Variants in LSAMP observed in about 807,000 individuals in gnomAD.
LSAMP encodes the protein limbic system-associated membrane protein.
Under a neutral mutation model 38.6 loss-of-function variants are expected in LSAMP, and 7 were observed. That is an observed-to-expected ratio of 0.18 (90% CI 0.10 to 0.34). LSAMP has a LOEUF of 0.34. Among genes scored for constraint, LSAMP ranks in the 10% least tolerant of loss-of-function variants. LSAMP has a pLI of 1.00. For missense variants in LSAMP, 313 were observed against 420.0 expected (o/e 0.75, Z 2.23); for synonymous variants, 154 against 166.8 (o/e 0.92, Z 0.59).
intron 1 of LSAMP, among the ~76,000 whole-genome samples, chr3:116,155,689 C>T (rs150347498): frequency 3.2e-4 from 48 of 151,896 alleles, no homozygotes; most frequent in Non-Finnish European, 5.6e-4. Context: ...CATATATATA[C>T]ATACATATGC....
At chr3:116,279,443 A>C (rs1195983627) in intron 1 of LSAMP, among the ~76,000 whole-genome samples, 1 of 152,216 alleles carries the variant, frequency 6.6e-6, no homozygotes, top group Non-Finnish European at 1.5e-5. Flanking sequence ...CACATCTTCA[A>C]TATAACTCTA....
chr3:116,223,521 C>T (rs941020629), intron 1 of LSAMP, among the ~76,000 whole-genome samples: 1 of 152,086 alleles, frequency 6.6e-6, no homozygotes, highest in East Asian at 1.9e-4. Flanking sequence ...AAGAAAACTA[C>T]TGAAAATATT....
chr3:115,942,018 TTA>T (rs1189877255), intron 3 of LSAMP, among the ~76,000 whole-genome samples: 1 of 152,126 alleles, frequency 6.6e-6, no homozygotes, highest in Non-Finnish European at 1.5e-5. Flanking sequence ...TTATTTTGTT[TTA>T]ATTATATTTT....
At chr3:116,173,363 C>T (rs1201243658) in intron 1 of LSAMP, among the ~76,000 whole-genome samples, 2 of 152,024 alleles carry the variant, frequency 1.3e-5, no homozygotes, top group Non-Finnish European at 2.9e-5. Flanking sequence ...AGACCATGGC[C>T]TTTTCAGTTT....
At chr3:116,223,222 T>C (rs1338916824) in intron 1 of LSAMP, among the ~76,000 whole-genome samples, 1 of 152,214 alleles carries the variant, frequency 6.6e-6, no homozygotes, top group African/African-American at 2.4e-5. Flanking sequence ...GGTAACAGTA[T>C]ATGACACTTT....
At chr3:116,191,831 A>G (rs2107582095) in intron 1 of LSAMP, among the ~76,000 whole-genome samples, 1 of 152,216 alleles carries the variant, frequency 6.6e-6, no homozygotes, top group East Asian at 1.9e-4. Flanking sequence ...AAATGTTAAA[A>G]ATGTACAAAT....
intron 6 of LSAMP, among the ~76,000 whole-genome samples, chr3:115,817,934 C>T (rs1464162201): frequency 2.0e-5 from 3 of 152,050 alleles, no homozygotes; most frequent in Admixed American, 6.5e-5. Context: ...TTTCATAATA[C>T]GAGCTTTGAC....
At chr3:116,153,167 C>CT (rs563935282) in intron 1 of LSAMP, among the ~76,000 whole-genome samples, 1 of 152,078 alleles carries the variant, frequency 6.6e-6, no homozygotes, top group Non-Finnish European at 1.5e-5. Flanking sequence ...CTTAGAAACA[C>CT]TATGTGTGCC....
At chr3:116,032,102 A>G (rs1052052967) in intron 2 of LSAMP, among the ~76,000 whole-genome samples, 7 of 152,238 alleles carry the variant, frequency 4.6e-5, no homozygotes, top group Non-Finnish European at 8.8e-5. Flanking sequence ...TGAATTGATG[A>G]ATATGAGTTA....
chr3:116,208,165 T>G (rs1365691273), intron 1 of LSAMP, among the ~76,000 whole-genome samples: 27 of 150,630 alleles, frequency 1.8e-4, no homozygotes, highest in African/African-American at 6.2e-4. Context: ...CTTCCATCAC[T>G]GATACCCTTT....
chr3:116,134,202 C>A (rs573766529), intron 1 of LSAMP, among the ~76,000 whole-genome samples: 2 of 152,248 alleles, frequency 1.3e-5, no homozygotes, highest in South Asian at 4.1e-4. Context: ...TTTAAAAATT[C>A]TCTTTGTGAA....
chr3:115,946,890 A>C (rs77142231), intron 3 of LSAMP, among the ~76,000 whole-genome samples: 1 of 152,136 alleles, frequency 6.6e-6, no homozygotes, highest in East Asian at 1.9e-4. Context: ...AAATATCAGC[A>C]TGTCAAACAT....
intron 3 of LSAMP, among the ~76,000 whole-genome samples, chr3:115,988,165 T>C (rs575359559): frequency 6.6e-6 from 1 of 152,274 alleles, no homozygotes; most frequent in Non-Finnish European, 1.5e-5. Flanking sequence ...ACTTCTTTAT[T>C]TCTTAATGTT....
chr3:116,275,767 C>A (rs1307799914), intron 1 of LSAMP, among the ~76,000 whole-genome samples: 2 of 151,744 alleles, frequency 1.3e-5, no homozygotes, highest in Non-Finnish European at 2.9e-5. Flanking sequence ...CCTATATTTC[C>A]ATCTCTAATT....
At chr3:116,156,771 CA>C (rs1305270298) in intron 1 of LSAMP, among the ~76,000 whole-genome samples, 2 of 151,948 alleles carry the variant, frequency 1.3e-5, no homozygotes, top group African/African-American at 2.4e-5. Context: ...TACAAAAAAG[CA>C]AATCATAATC....
chr3:115,881,366 G>T (rs1276108024), intron 3 of LSAMP, among the ~76,000 whole-genome samples: 6 of 152,096 alleles, frequency 3.9e-5, no homozygotes, highest in African/African-American at 1.4e-4. Context: ...TTTAGAAAAA[G>T]CAATCCATAT....
chr3:115,842,653 A>G, intron 4 of LSAMP, 75 bp from the exon 5 acceptor site: 1 of 1,573,018 alleles, frequency 6.4e-7, no homozygotes, highest in African/African-American at 1.4e-5. Context: ...AGGAATGAAG[A>G]AGGACAATCT....
chr3:115,932,714 C>T (rs1937600106), intron 3 of LSAMP, among the ~76,000 whole-genome samples: 1 of 152,004 alleles, frequency 6.6e-6, no homozygotes, highest in Admixed American at 6.6e-5. Flanking sequence ...TCTTTTTTTA[C>T]TAGTCTTTTC....
intron 1 of LSAMP, among the ~76,000 whole-genome samples, chr3:116,092,834 A>G (rs892942983): frequency 1.1e-4 from 16 of 152,244 alleles, no homozygotes; most frequent in Non-Finnish European, 7.3e-5. Flanking sequence ...CAAGATATCT[A>G]TGATGTAATT....
Sources: gnomAD v4.1 joint callset for allele counts (sites outside exome capture counted in the v4.1 genomes callset) on GRCh38, gnomAD v4.1.1 for gene constraint, MANE v1.5 for transcripts, NCBI Gene and HGNC (gene_info 2026-07-23, HGNC 2026-07-21) for gene names.